COG5: variants seen among roughly 807,000 people sequenced by gnomAD.
The protein encoded by COG5 is conserved oligomeric Golgi complex subunit 5.
Under a neutral mutation model 110.4 loss-of-function variants are expected in COG5, and 86 were observed. The ratio of observed to expected loss-of-function variants is 0.78; its 90% CI spans 0.65 to 0.93. The LOEUF is 0.93. Among genes scored for constraint, COG5 ranks in the 40% least tolerant of loss-of-function variants. The probability of loss-of-function intolerance (pLI) is 0.00; values close to 1 mark genes in which losing one functional copy is unlikely to be tolerated. For synonymous variants in COG5, 360 were observed against 334.6 expected (o/e 1.08, Z -0.83); for missense variants, 1,077 against 987.0 (o/e 1.09, Z -1.22).
At chr7:107,561,782 C>A (rs944523153) in intron 1 of COG5, among the ~76,000 whole-genome samples, 1 of 152,176 alleles carries the variant, frequency 6.6e-6, no homozygotes, top group African/African-American at 2.4e-5. Context: ...CGAGACCATC[C>A]TGGCTAACAC....
chr7:107,366,351 A>G (rs1300946097), intron 8 of COG5, among the ~76,000 whole-genome samples: 3 of 152,148 alleles, frequency 2.0e-5, no homozygotes, highest in Non-Finnish European at 4.4e-5. Flanking sequence ...TCTCTCCCAC[A>G]GCATGCCCAG....
intron 7 of COG5, among the ~76,000 whole-genome samples, chr7:107,396,880 G>A (rs1250426190): frequency 6.6e-6 from 1 of 151,928 alleles, no homozygotes; most frequent in African/African-American, 2.4e-5. Flanking sequence ...ATAGGAAAAT[G>A]GAATAATGAC....
chr7:107,368,199 A>G (rs1160617787), intron 8 of COG5, among the ~76,000 whole-genome samples: 3 of 152,044 alleles, frequency 2.0e-5, no homozygotes, highest in Admixed American at 6.6e-5. Context: ...GGAGGTATCA[A>G]TTAGGATCTA....
chr7:107,388,790 T>C (rs1225178439), intron 7 of COG5, among the ~76,000 whole-genome samples: 1 of 152,076 alleles, frequency 6.6e-6, no homozygotes, highest in Non-Finnish European at 1.5e-5. Flanking sequence ...CTCTTTGTGT[T>C]CCAGCATGGC....
rs767882522 is a variant in COG5 at position 107,372,601 on chromosome 7, C to T, written c.829G>A (p.Val277Met). The change falls in exon 8 of 22, where the codon GTG becomes ATG. Residue 277 changes from valine (V) to methionine (M), a missense_variant. Physicochemically the swap from Val to Met is conservative, Grantham distance 21. Coordinates refer to ENST00000297135, the MANE Select transcript of COG5 (RefSeq NM_006348.5). ...ATATAAACCACATCCATACCTCTCA[C>T]AGCTGACTGGGAAGGCTGAGTCAAA... ...KVLTQPSQSA[V>M]RGGPGRSTMP... The T allele has an allele frequency of 1.9e-6, 3 of 1,613,452 alleles. No homozygotes were observed. Among genetic ancestry groups the T allele is most frequent in the Non-Finnish European group, 2.5e-6 (3 of 1,179,700 alleles).
In COG5 at chr7:107,376,226, C is replaced by A. The variant is rs573821414; in HGVS notation, c.670-3466G>T. ...AAATACCAGATTTGGCAATCCTCTG[C>A]CTCTGTTCTTCAATTTGGTATAGGC... On this transcript the variant is annotated intron_variant, in intron 7 of 21. Transcript: ENST00000297135. Among the ~76,000 whole-genome samples, 14 of 152,120 alleles carry A rather than the reference C, an allele frequency of 9.2e-5. No homozygotes were observed. The East Asian group carries it at 2.5e-3, about 27-fold the overall frequency.
intron 16 of COG5, among the ~76,000 whole-genome samples, chr7:107,249,094 C>T (rs1446411848): frequency 2.0e-5 from 3 of 152,134 alleles, no homozygotes; most frequent in African/African-American, 7.2e-5. Context: ...CTGCTCCCAC[C>T]TTCTACCCGC....
At chr7:107,345,017 G>A (rs1811477381) in intron 10 of COG5, among the ~76,000 whole-genome samples, 1 of 152,138 alleles carries the variant, frequency 6.6e-6, no homozygotes, top group Admixed American at 6.5e-5. Flanking sequence ...AGAGGCATGT[G>A]ACAGTTCCTG....
intron 7 of COG5, among the ~76,000 whole-genome samples, chr7:107,376,314 T>C (rs187499490): frequency 2.0e-5 from 3 of 151,962 alleles, no homozygotes; most frequent in African/African-American, 7.2e-5. Context: ...GTCCTTTTTT[T>C]AAAAAAGTTT....
intron 10 of COG5, among the ~76,000 whole-genome samples, chr7:107,348,342 C>A (rs1406352426): frequency 6.6e-6 from 1 of 151,958 alleles, no homozygotes; most frequent in Non-Finnish European, 1.5e-5. Flanking sequence ...AAGAGTTGGG[C>A]AAGGGGTCTT....
intron 5 of COG5, among the ~76,000 whole-genome samples, chr7:107,538,196 C>T (rs1335305147): frequency 6.6e-6 from 1 of 152,144 alleles, no homozygotes; most frequent in Non-Finnish European, 1.5e-5. Context: ...AACACAGCAC[C>T]AGCCAGCCAG....
intron 18 of COG5, among the ~76,000 whole-genome samples, chr7:107,235,275 C>A (rs1047063005): frequency 6.6e-6 from 1 of 152,310 alleles, no homozygotes; most frequent in African/African-American, 2.4e-5. Context: ...AAGACACACT[C>A]CCGGATACAC....
chr7:107,560,843 A>G (rs1803716278), intron 1 of COG5, among the ~76,000 whole-genome samples: 1 of 152,212 alleles, frequency 6.6e-6, no homozygotes, highest in African/African-American at 2.4e-5. Context: ...AATGTCCAGT[A>G]GGCAGTTAAA....
intron 16 of COG5, among the ~76,000 whole-genome samples, chr7:107,256,356 G>A (rs1252066598): frequency 6.6e-6 from 1 of 152,032 alleles, no homozygotes; most frequent in Non-Finnish European, 1.5e-5. Context: ...TCTCTACCAT[G>A]TCATGACAAT....
chr7:107,513,854 C>T (rs1799719304), intron 6 of COG5, among the ~76,000 whole-genome samples: 1 of 150,830 alleles, frequency 6.6e-6, no homozygotes, highest in Non-Finnish European at 1.5e-5. Context: ...ACAATGAGAA[C>T]ACATGGACAC....
intron 7 of COG5, among the ~76,000 whole-genome samples, chr7:107,391,011 G>A (rs1032418496): frequency 6.6e-6 from 1 of 151,722 alleles, no homozygotes; most frequent in African/African-American, 2.4e-5. Context: ...AATGTAAAGG[G>A]GTCTATCTAA....
intron 11 of COG5, among the ~76,000 whole-genome samples, chr7:107,303,329 GTGAT>G (rs990322173): frequency 3.6e-4 from 55 of 152,200 alleles, no homozygotes; most frequent in African/African-American, 1.2e-3. Context: ...CTCAGCAAAT[GTGAT>G]TGATTAATTA....
At chr7:107,433,819 A>G (rs2395880) in intron 6 of COG5, among the ~76,000 whole-genome samples, 29,721 of 152,160 alleles carry the variant, frequency 0.2, 2,982 homozygotes, top group Non-Finnish European at 0.21. Context: ...AAATAAACTG[A>G]ACTACATCAA....
At chr7:107,224,407 G>T (rs1800172355) in intron 19 of COG5, among the ~76,000 whole-genome samples, 1 of 152,154 alleles carries the variant, frequency 6.6e-6, no homozygotes, top group Admixed American at 6.5e-5. Flanking sequence ...TTCTTCCACT[G>T]CTCCTCATGC....
Sources: allele counts gnomAD v4.1 joint callset (sites outside exome capture counted in the v4.1 genomes callset), GRCh38; gene constraint gnomAD v4.1.1; transcripts MANE v1.5; gene names NCBI Gene and HGNC (gene_info 2026-07-23, HGNC 2026-07-21).